Variants in CYLD observed in about 807,000 individuals in gnomAD.
The protein encoded by CYLD is ubiquitin carboxyl-terminal hydrolase CYLD.
In CYLD, 26 loss-of-function variants were observed where a neutral mutation model predicts 104.5. The ratio of observed to expected loss-of-function variants is 0.25; its 90% CI spans 0.18 to 0.35. The LOEUF is 0.35. Ranked by LOEUF, CYLD falls within the 10% of genes least tolerant of loss-of-function variation. The pLI, the probability that CYLD is intolerant of heterozygous loss-of-function variation, is 1.00. For synonymous variants in CYLD, 385 were observed against 399.9 expected (o/e 0.96, Z 0.45); for missense variants, 703 against 1,136.1 (o/e 0.62, Z 5.48).
intron 5 of CYLD, among the ~76,000 whole-genome samples, chr16:50,770,412 G>A (rs916061640): frequency 8.6e-5 from 13 of 151,092 alleles, no homozygotes; most frequent in African/African-American, 2.4e-4. Flanking sequence ...ACATCGTTCC[G>A]TGTACTCACT....
rs1972323816 is a variant in CYLD, at chr16:50,799,684, C to G, written c.*3176C>G. The G allele has an allele frequency of 8.6e-6, 2 of 233,274 alleles. No homozygotes were observed. The highest frequency in any genetic ancestry group is 4.4e-5 in the African/African-American group (2 of 45,246). 14.5% of individuals were successfully genotyped at this position (233,274 alleles called of 1,614,324 possible). ...TATGGAAGATTAAGATTCCATTAAT[C>G]TTATAGAACTGTGTTGTCACCCAAA... On this transcript the variant is annotated 3_prime_UTR_variant, in exon 19 of 19. Transcript: ENST00000427738.
rs905940338 is a variant in CYLD, at chr16:50,796,598, C to T, written c.*90C>T. Reference sequence around the variant, plus strand: ...TGGCAGTTCTGTTCACGTCCATTGCCGGCAATGGATGTCTTTGTGGTGATG... The same window carrying T: ...TGGCAGTTCTGTTCACGTCCATTGCTGGCAATGGATGTCTTTGTGGTGATG... On this transcript the variant is annotated 3_prime_UTR_variant, in exon 19 of 19. Coordinates refer to ENST00000427738, the MANE Select transcript of CYLD (RefSeq NM_001378743.1). 1.1e-5 allele frequency: 15 copies of T among 1,305,186 alleles called. No homozygotes were observed. Among genetic ancestry groups the T allele is most frequent in the East Asian group, 2.3e-5 (1 of 43,500 alleles). 80.9% of individuals were successfully genotyped at this position (1,305,186 alleles called of 1,614,324 possible).
Position 50,755,008 on chromosome 16 carries a change from T to TATATATGTATATATAC in CYLD, c.913+591_913+606dup, listed in dbSNP as rs1966884676. Among the ~76,000 whole-genome samples the TATATATGTATATATAC allele has an allele frequency of 3.4e-4, 4 of 11,920 alleles. 1 individual carries two copies. Among genetic ancestry groups the TATATATGTATATATAC allele is most frequent in the African/African-American group, 1.9e-3 (4 of 2,064 alleles). 7.8% of individuals were successfully genotyped at this position (11,920 alleles called of 152,430 possible). A position where few individuals can be genotyped will look rare whatever the true frequency, so the allele number is the denominator to read the frequency against. The stretch of plus-strand genomic sequence containing the variant: ...ATATACATATATATGTATATATACA[T>TATATATGTATATATAC]ATATATGTATATATACATATATATG... On this transcript the variant is annotated intron_variant, in intron 5 of 18. Coordinates refer to ENST00000427738, the MANE Select transcript of CYLD (RefSeq NM_001378743.1).
intron 18 of CYLD, chr16:50,795,668 T>C (rs1490607141): frequency 4.3e-6 from 3 of 700,550 alleles, no homozygotes; most frequent in Non-Finnish European, 7.8e-6. Context: ...CTCCACCTTT[T>C]CTCAGTTCTC....
intron 5 of CYLD, among the ~76,000 whole-genome samples, chr16:50,754,860 TAC>T (rs749207539): frequency 3.5e-5 from 5 of 143,422 alleles, no homozygotes; most frequent in South Asian, 4.2e-4. Context: ...TGTATATATA[TAC>T]ACACACACAT....
At chr16:50,754,447 A>C in intron 5 of CYLD, 23 bp downstream of exon 5, 1 of 1,472,134 alleles carries the variant, frequency 6.8e-7, no homozygotes, top group Non-Finnish European at 9.5e-7. Flanking sequence ...TGTTTTATAC[A>C]TTTATAAGGC....
intron 11 of CYLD, among the ~76,000 whole-genome samples, chr16:50,783,376 C>A (rs1970467775): frequency 6.6e-6 from 1 of 152,166 alleles, no homozygotes; most frequent in Non-Finnish European, 1.5e-5. Flanking sequence ...GGGATGTTAA[C>A]ATTTTTAAAG....
intron 7 of CYLD, among the ~76,000 whole-genome samples, chr16:50,777,294 A>C (rs996042918): frequency 6.6e-6 from 1 of 152,212 alleles, no homozygotes; most frequent in African/African-American, 2.4e-5. Flanking sequence ...TAATAAATCC[A>C]ATCTGTAAGA....
At chr16:50,767,262 T>C (rs1234797658) in intron 5 of CYLD, among the ~76,000 whole-genome samples, 1 of 152,198 alleles carries the variant, frequency 6.6e-6, no homozygotes, top group African/African-American at 2.4e-5. Context: ...ATTTTTAAAA[T>C]TAAGGTATAT....
In CYLD at chr16:50,742,740, C is replaced by T. The variant is rs151318410; in HGVS notation, c.-203-22C>T. ...GTCGGGGTTCTGGCCTTGTTAATGG[C>T]GTGTTCTGCTTTTTCTTTCAGTTTC... On this transcript the variant is annotated intron_variant, in intron 1 of 18. Coordinates refer to ENST00000427738, the MANE Select transcript of CYLD (RefSeq NM_001378743.1). 2.8e-4 allele frequency: 111 copies of T among 398,802 alleles called. No homozygotes were observed. The East Asian group carries it at 3.7e-3, about 13-fold the overall frequency. 24.7% of individuals were successfully genotyped at this position (398,802 alleles called of 1,614,324 possible).
chr16:50,765,823 G>T (rs1188708087), intron 5 of CYLD, among the ~76,000 whole-genome samples: 1 of 140,918 alleles, frequency 7.1e-6, no homozygotes, highest in East Asian at 2.1e-4. Flanking sequence ...GCCTAATCCA[G>T]AGCAAGGCCC....
At chr16:50,769,970 A>G (rs78653273) in intron 5 of CYLD, among the ~76,000 whole-genome samples, 2,604 of 152,190 alleles carry the variant, frequency 0.017, 60 homozygotes, top group African/African-American at 0.058. Context: ...ACATTATTTT[A>G]TATATATCCA....
intron 5 of CYLD, among the ~76,000 whole-genome samples, chr16:50,758,986 C>T (rs566422655): frequency 1.3e-5 from 2 of 152,240 alleles, no homozygotes; most frequent in Admixed American, 1.3e-4. Flanking sequence ...TTCCTGTAAT[C>T]TCAGCACTTT....
Position 50,794,705 on chromosome 16 carries a change from C to G in CYLD, c.2686+277C>G. The G allele has an allele frequency of 2.3e-6, 1 of 440,538 alleles. No homozygotes were observed. The highest frequency in any genetic ancestry group is 4.2e-6 in the Non-Finnish European group (1 of 237,382). 27.3% of individuals were successfully genotyped at this position (440,538 alleles called of 1,614,324 possible). ...GCGTGATCTTGGCTCATTGCAACCT[C>G]CACCTCTCAGGTTCAAGCAATCCTC... On this transcript the variant is annotated intron_variant, in intron 18 of 18. Transcript: ENST00000427738. The surrounding 1 kb of genome is among the most constrained non-coding windows in gnomAD (Gnocchi z 4.1).
At position 50,787,796 on chromosome 16, in the gene CYLD, A is replaced by G. The variant is rs772328841; in HGVS notation, c.2052A>G (p.Glu684=). The G allele has an allele frequency of 1.9e-6, 3 of 1,546,916 alleles. No individual in the cohort carries two copies. The African/African-American group carries it at 4.1e-5, about 21-fold the overall frequency. ...GFTSEEKDPE[E]FLNILFHHIL... ...TAAATTTTCTCCTAGATCCTGAGGAATTCTTGAATATTCTGTTTCATCATA... is the reference window on the plus strand; with the variant it reads ...TAAATTTTCTCCTAGATCCTGAGGAGTTCTTGAATATTCTGTTTCATCATA... Residue 684 remains glutamate, a synonymous_variant, in exon 14 of 19, where the codon GAA becomes GAG. Coordinates refer to ENST00000427738, the MANE Select transcript of CYLD (RefSeq NM_001378743.1).
chr16:50,752,341 C>G (rs1311211922), intron 4 of CYLD, among the ~76,000 whole-genome samples: 1 of 151,948 alleles, frequency 6.6e-6, no homozygotes, highest in Non-Finnish European at 1.5e-5. Context: ...TTTTGGGGTA[C>G]TCCATTTTTT....
At position 50,749,601 on chromosome 16, in the gene CYLD, T is replaced by C. The variant is rs1966458232; in HGVS notation, c.-98T>C. 1 of 1,263,166 alleles carries C rather than the reference T, an allele frequency of 7.9e-7. No homozygotes were observed. The highest frequency in any genetic ancestry group is 1.5e-5 in the African/African-American group (1 of 67,028). The allele number at this position is 1,263,166 out of a possible 1,614,324, so 78.2% of individuals were successfully genotyped here. ...CATGGACACCACGTTGCTGAAAACATGCTTTGGGACTGCCACTGAATTTAT... is the reference window on the plus strand; with the variant it reads ...CATGGACACCACGTTGCTGAAAACACGCTTTGGGACTGCCACTGAATTTAT... On this transcript the variant is annotated 5_prime_UTR_variant, in exon 3 of 19. It removes an upstream start codon present in the reference 5' UTR. Coordinates refer to ENST00000427738, the MANE Select transcript of CYLD (RefSeq NM_001378743.1).
chr16:50,747,972 A>G (rs1966331217), intron 2 of CYLD, among the ~76,000 whole-genome samples: 1 of 152,214 alleles, frequency 6.6e-6, no homozygotes, highest in Admixed American at 6.5e-5. Flanking sequence ...ATTATGGAAT[A>G]CTTCATTATC....
chr16:50,749,842 G>T lies in CYLD; in HGVS notation c.144G>T (p.Gln48His), dbSNP rs1048602687. Residue 48 changes from glutamine to histidine, a missense_variant, in exon 3 of 19, where the codon CAG (glutamine) becomes CAT (histidine). Gln to His is a conservative substitution (Grantham distance 24). Transcript: ENST00000427738. ...AAGTACCGAAGGGAAGTATAGGACA[G>T]TATATTCAAGATCGTTCTGTGGGGC... is the stretch of plus-strand genomic sequence containing the variant. ...LLKVPKGSIG[Q>H]YIQDRSVGHS... 3 of 1,614,156 alleles carry T rather than the reference G, an allele frequency of 1.9e-6. No individual in the cohort carries two copies. The highest frequency in any genetic ancestry group is 2.5e-6 in the Non-Finnish European group (3 of 1,180,028).
Sources: allele counts gnomAD v4.1 joint callset (sites outside exome capture counted in the v4.1 genomes callset), GRCh38; gene constraint gnomAD v4.1.1; non-coding constraint Gnocchi (gnomAD v3.1); transcripts MANE v1.5; gene names NCBI Gene and HGNC (gene_info 2026-07-23, HGNC 2026-07-21).